ITGB8: variants seen among roughly 807,000 people sequenced by gnomAD.
ITGB8 encodes the protein integrin beta-8.
In ITGB8, 30 loss-of-function variants were observed where a neutral mutation model predicts 89.5. The observed-to-expected ratio is 0.34, with a 90% CI of 0.25 to 0.45. ITGB8 has a LOEUF of 0.45. Among genes scored for constraint, ITGB8 ranks in the 20% least tolerant of loss-of-function variants. The pLI, the probability that ITGB8 is intolerant of heterozygous loss-of-function variation, is 1.00. For synonymous variants in ITGB8, 335 were observed against 320.4 expected (o/e 1.05, Z -0.49); for missense variants, 836 against 933.3 (o/e 0.90, Z 1.36).
At chr7:20,368,063 T>A (rs865890424) in intron 3 of ITGB8, among the ~76,000 whole-genome samples, 1 of 152,182 alleles carries the variant, frequency 6.6e-6, no homozygotes, top group South Asian at 2.1e-4. Context: ...ACACACTCCC[T>A]TCCCCATTCC....
intron 3 of ITGB8, among the ~76,000 whole-genome samples, chr7:20,376,866 G>A (rs565550933): frequency 6.6e-6 from 1 of 152,216 alleles, no homozygotes; most frequent in Non-Finnish European, 1.5e-5. Context: ...CTCTACCAAG[G>A]CCTCAGCTGA....
chr7:20,364,391 T>C (rs3807942), intron 2 of ITGB8, among the ~76,000 whole-genome samples: 1 of 152,234 alleles, frequency 6.6e-6, no homozygotes, highest in East Asian at 1.9e-4. Flanking sequence ...GATAAGTCTC[T>C]AGCTTTTGTC....
chr7:20,385,924 T>C (rs981032097), intron 6 of ITGB8, among the ~76,000 whole-genome samples: 4 of 152,216 alleles, frequency 2.6e-5, no homozygotes, highest in Admixed American at 2.6e-4. Context: ...GAATTCCATG[T>C]GAGGAGATAA....
At chr7:20,401,436 T>TG in intron 9 of ITGB8, among the ~76,000 whole-genome samples, 1 of 152,282 alleles carries the variant, frequency 6.6e-6, no homozygotes, top group East Asian at 1.9e-4. Context: ...TCATCAGTGA[T>TG]GGGGTAGATG....
intron 6 of ITGB8, among the ~76,000 whole-genome samples, chr7:20,384,648 C>G (rs1786531457): frequency 6.6e-6 from 1 of 152,172 alleles, no homozygotes; most frequent in Non-Finnish European, 1.5e-5. Flanking sequence ...CCTAGTCTGT[C>G]TCAATCTTAT....
chr7:20,407,332 TTAA>T (rs1384507403), intron 12 of ITGB8, among the ~76,000 whole-genome samples: 2 of 150,946 alleles, frequency 1.3e-5, no homozygotes, highest in African/African-American at 4.9e-5. Context: ...TCAATGATAC[TTAA>T]TAAAGCTGTT....
At chr7:20,374,164 C>G (rs185576873) in intron 3 of ITGB8, among the ~76,000 whole-genome samples, 35 of 152,286 alleles carry the variant, frequency 2.3e-4, no homozygotes, top group African/African-American at 7.9e-4. Context: ...TACTCTTTTC[C>G]TCTTAGAGAA....
intron 1 of ITGB8, among the ~76,000 whole-genome samples, chr7:20,350,336 C>T (rs1346364578): frequency 6.6e-6 from 1 of 152,074 alleles, no homozygotes; most frequent in Non-Finnish European, 1.5e-5. Flanking sequence ...TTAGTAGAGA[C>T]GGGGTTTTGC....
At chr7:20,378,329 G>C (rs994351810) in intron 3 of ITGB8, among the ~76,000 whole-genome samples, 9 of 152,174 alleles carry the variant, frequency 5.9e-5, no homozygotes, top group African/African-American at 2.2e-4. Flanking sequence ...TCCTCAGCAT[G>C]TGTTCATTGA....
At chr7:20,368,044 C>A (rs1026510144) in intron 3 of ITGB8, among the ~76,000 whole-genome samples, 1 of 152,176 alleles carries the variant, frequency 6.6e-6, no homozygotes, top group South Asian at 2.1e-4. Flanking sequence ...TTTTAAATAA[C>A]CATTCTTGAC....
chr7:20,337,098 T>G (rs1784601240), intron 1 of ITGB8, among the ~76,000 whole-genome samples: 1 of 152,238 alleles, frequency 6.6e-6, no homozygotes, highest in African/African-American at 2.4e-5. Context: ...TCTTTAATCT[T>G]ATTTTTCAAA....
chr7:20,368,982 G>A (rs374600828), intron 3 of ITGB8, among the ~76,000 whole-genome samples: 1 of 152,012 alleles, frequency 6.6e-6, no homozygotes, highest in Non-Finnish European at 1.5e-5. Context: ...CCAGGCCATC[G>A]CCCCTTTCAG....
intron 9 of ITGB8, 73 bp from the exon 10 acceptor site, chr7:20,401,648 T>C: frequency 1.1e-6 from 1 of 882,596 alleles, no homozygotes; most frequent in South Asian, 2.4e-5. Flanking sequence ...AATTCAGTTA[T>C]TAACAGATAT....
At chr7:20,365,608 G>A (rs1785664497) in intron 2 of ITGB8, 1 of 152,170 alleles carries the variant, frequency 6.6e-6, no homozygotes, top group South Asian at 2.1e-4. Context: ...ACTATATATA[G>A]AACTTTGACA....
intron 6 of ITGB8, among the ~76,000 whole-genome samples, chr7:20,389,126 C>G (rs1786751971): frequency 6.6e-6 from 1 of 152,094 alleles, no homozygotes; most frequent in East Asian, 1.9e-4. Context: ...ATATATAATC[C>G]TTTGGGTATA....
At chr7:20,365,866 G>T (rs1483747206) in intron 2 of ITGB8, 1 of 151,606 alleles carries the variant, frequency 6.6e-6, no homozygotes, top group Non-Finnish European at 1.5e-5. Context: ...AGCAAGGCTG[G>T]AAGGAGAGGC....
chr7:20,404,332 A>C (rs1787443401), intron 10 of ITGB8, among the ~76,000 whole-genome samples: 1 of 152,238 alleles, frequency 6.6e-6, no homozygotes, highest in Non-Finnish European at 1.5e-5. Context: ...TTTTTAATGT[A>C]AAACGGAATA....
intron 1 of ITGB8, among the ~76,000 whole-genome samples, chr7:20,337,229 A>G (rs1784605079): frequency 6.6e-6 from 1 of 152,230 alleles, no homozygotes; most frequent in South Asian, 2.1e-4. Context: ...CAATTTTACA[A>G]AATTGTAATT....
At chr7:20,402,166 A>G (rs1033443202) in intron 10 of ITGB8, 40 bp downstream of exon 10, 8 of 1,489,404 alleles carry the variant, frequency 5.4e-6, no homozygotes, top group South Asian at 1.3e-5. Flanking sequence ...ACTTGTCACT[A>G]TTACACCAGC....
Sources: gnomAD v4.1 joint callset for allele counts (sites outside exome capture counted in the v4.1 genomes callset) on GRCh38, gnomAD v4.1.1 for gene constraint, MANE v1.5 for transcripts, NCBI Gene and HGNC (gene_info 2026-07-23, HGNC 2026-07-21) for gene names.